AK9: variants seen among roughly 807,000 people sequenced by gnomAD.
AK9 encodes the protein adenylate kinase domain containing 1.
AK9 carries 191 observed loss-of-function variants against 239.6 expected under a neutral mutation model. The ratio of observed to expected loss-of-function variants is 0.80; its 90% CI spans 0.71 to 0.90. The LOEUF (loss-of-function observed/expected upper bound fraction) is 0.90. Among genes scored for constraint, AK9 ranks in the 40% least tolerant of loss-of-function variants. The pLI, the probability that AK9 is intolerant of heterozygous loss-of-function variation, is 0.00. For missense variants in AK9, 1,995 were observed against 2,214.7 expected (o/e 0.90, Z 1.99); for synonymous variants, 689 against 721.0 (o/e 0.96, Z 0.71).
At chr6:109,622,414 T>A (rs939811461) in intron 12 of AK9, among the ~76,000 whole-genome samples, 1 of 141,328 alleles carries the variant, frequency 7.1e-6, no homozygotes, top group Non-Finnish European at 1.5e-5. Context: ...GTAATATATA[T>A]TTGTATAATA....
rs968662885 is a variant in AK9 at position 109,578,099 on chromosome 6, T to C, written c.2191+1451A>G. 3.3e-5 allele frequency among the ~76,000 whole-genome samples: 5 copies of C among 151,882 alleles called. No homozygotes were observed. The South Asian group carries it at 1.0e-3, about 32-fold the overall frequency. ...GGCGTGCACCACCACGCCTGGCTAA[T>C]TTTTTAAAAATTTTTAGTAGAAACA... is the stretch of plus-strand genomic sequence containing the variant. On this transcript the variant is annotated intron_variant, in intron 20 of 40. Coordinates refer to ENST00000424296, the MANE Select transcript of AK9 (RefSeq NM_001145128.3).
chr6:109,589,711 G>A (rs906369724), intron 17 of AK9, among the ~76,000 whole-genome samples: 1 of 152,004 alleles, frequency 6.6e-6, no homozygotes, highest in Non-Finnish European at 1.5e-5. Flanking sequence ...TGTTATATAC[G>A]GCCTTTATTA....
intron 8 of AK9, among the ~76,000 whole-genome samples, chr6:109,656,347 T>C (rs1353768309): frequency 6.6e-6 from 1 of 152,192 alleles, no homozygotes; most frequent in African/African-American, 2.4e-5. Flanking sequence ...AACAAATTCT[T>C]TAGATTGCAA....
At chr6:109,679,807 G>A (rs1772351116) in intron 1 of AK9, among the ~76,000 whole-genome samples, 1 of 152,188 alleles carries the variant, frequency 6.6e-6, no homozygotes, top group Admixed American at 6.5e-5. Flanking sequence ...TGATACCCAG[G>A]AAAACAGAGT....
intron 12 of AK9, among the ~76,000 whole-genome samples, chr6:109,623,862 G>GACACACACACACACAC (rs567410173): frequency 1.0e-4 from 14 of 136,190 alleles, no homozygotes; most frequent in South Asian, 4.9e-4. Flanking sequence ...AGGAATCTTA[G>GACACACACACACACAC]ACACACACAC....
chr6:109,508,139 C>T (rs1778306157), intron 33 of AK9, among the ~76,000 whole-genome samples: 1 of 152,192 alleles, frequency 6.6e-6, no homozygotes, highest in Admixed American at 6.5e-5. Context: ...TCTTTTATAA[C>T]AGCTGAGTCT....
intron 12 of AK9, among the ~76,000 whole-genome samples, chr6:109,625,022 T>G (rs9372220): frequency 1.3e-5 from 2 of 151,800 alleles, no homozygotes; most frequent in Non-Finnish European, 2.9e-5. Context: ...TTCAAAGGAC[T>G]CTTTTTGTTT....
chr6:109,508,620 C>T (rs1778358632), intron 33 of AK9, among the ~76,000 whole-genome samples: 2 of 152,162 alleles, frequency 1.3e-5, no homozygotes, highest in African/African-American at 4.8e-5. Flanking sequence ...GTGCTCAAGA[C>T]CAGGGCTTCA....
intron 24 of AK9, among the ~76,000 whole-genome samples, chr6:109,560,852 TTTC>T (rs1785665203): frequency 6.6e-6 from 1 of 152,364 alleles, no homozygotes; most frequent in African/African-American, 2.4e-5. Context: ...GTTTTCTTTC[TTTC>T]TTCAAGATTT....
intron 12 of AK9, among the ~76,000 whole-genome samples, chr6:109,627,158 T>TA (rs1491528335): frequency 1.5e-5 from 2 of 135,340 alleles, no homozygotes; most frequent in Admixed American, 7.3e-5. Flanking sequence ...TTTTTTTTTT[T>TA]AGCCTAGCCC....
At chr6:109,534,897 T>C (rs112489512) in intron 27 of AK9, among the ~76,000 whole-genome samples, 35 of 152,280 alleles carry the variant, frequency 2.3e-4, no homozygotes, top group African/African-American at 7.9e-4. Flanking sequence ...AGAATGATGG[T>C]TTCCAGCTTC....
chr6:109,598,632 C>T (rs1791414738), intron 17 of AK9, among the ~76,000 whole-genome samples: 1 of 152,186 alleles, frequency 6.6e-6, no homozygotes, highest in East Asian at 1.9e-4. Flanking sequence ...AGTTCTAGAT[C>T]CCTGAGGAAT....
chr6:109,501,438 C>T (rs1777594734), intron 35 of AK9, among the ~76,000 whole-genome samples: 1 of 152,194 alleles, frequency 6.6e-6, no homozygotes, highest in South Asian at 2.1e-4. Context: ...AATCTCTCCA[C>T]AATCCTGCTT....
At chr6:109,601,818 CT>C (rs1376849928) in intron 17 of AK9, among the ~76,000 whole-genome samples, 2 of 123,090 alleles carry the variant, frequency 1.6e-5, no homozygotes, top group Non-Finnish European at 3.4e-5. Flanking sequence ...GAATTGATCC[CT>C]TTACCATTAT....
chr6:109,623,862 G>GACACACACACAC lies in AK9; in HGVS notation c.1255-4638_1255-4627dup, dbSNP rs567410173. On this transcript the variant is annotated intron_variant, in intron 12 of 40. Transcript: ENST00000424296. ...AATGATGAACTAGTTAGGAATCTTA[G>GACACACACACAC]ACACACACACACACACACACACACA... Among the ~76,000 whole-genome samples the GACACACACACAC allele has an allele frequency of 5.1e-3, 701 of 136,176 alleles. 2 individuals carry two copies. Among genetic ancestry groups the GACACACACACAC allele is most frequent in the South Asian group, 9.3e-3 (38 of 4,068 alleles). The allele number at this position is 136,176 out of a possible 152,430, so 89.3% of individuals were successfully genotyped here.
chr6:109,679,934 A>G (rs1772370119), intron 1 of AK9, among the ~76,000 whole-genome samples: 2 of 152,210 alleles, frequency 1.3e-5, no homozygotes, highest in Admixed American at 6.5e-5. Flanking sequence ...TCCACTCAGA[A>G]ACCCCATCCG....
chr6:109,545,619 G>T (rs1339414662), intron 26 of AK9, among the ~76,000 whole-genome samples: 1 of 152,034 alleles, frequency 6.6e-6, no homozygotes, highest in Admixed American at 6.6e-5. Flanking sequence ...GGAACTAATT[G>T]TAAGTCCATT....
At chr6:109,656,677 G>A in intron 8 of AK9, 79 bp downstream of exon 8, 1 of 1,406,442 alleles carries the variant, frequency 7.1e-7, no homozygotes, top group Non-Finnish European at 9.7e-7. Flanking sequence ...ACATGGGGAT[G>A]AAGACATGTG....
At chr6:109,528,613 T>C (rs2128129980) in intron 29 of AK9, 1 of 459,414 alleles carries the variant, frequency 2.2e-6, no homozygotes, top group Non-Finnish European at 4.4e-6. Context: ...GTGCCTGCAG[T>C]TGCAGTTGCA....
Sources: gnomAD v4.1 joint callset for allele counts (sites outside exome capture counted in the v4.1 genomes callset) on GRCh38, gnomAD v4.1.1 for gene constraint, MANE v1.5 for transcripts, NCBI Gene and HGNC (gene_info 2026-07-23, HGNC 2026-07-21) for gene names.